CFAP299: variants seen among roughly 807,000 people sequenced by gnomAD.
CFAP299 encodes cilia- and flagella-associated protein 299.
Under a neutral mutation model 27.0 loss-of-function variants are expected in CFAP299, and 21 were observed. The observed-to-expected ratio is 0.78, with a 90% CI of 0.55 to 1.12. The LOEUF is 1.12. Among genes scored for constraint, CFAP299 ranks in the 50% most tolerant of loss-of-function variants. The pLI, the probability that CFAP299 is intolerant of heterozygous loss-of-function variation, is 0.00. For missense variants in CFAP299, 310 were observed against 276.6 expected (o/e 1.12, Z -0.86); for synonymous variants, 104 against 98.1 (o/e 1.06, Z -0.36).
intron 3 of CFAP299, among the ~76,000 whole-genome samples, chr4:80,762,598 A>G (rs1725597712): frequency 6.6e-6 from 1 of 152,172 alleles, no homozygotes; most frequent in Non-Finnish European, 1.5e-5. Context: ...CAATCTAAGC[A>G]GAGGAATTGA....
intron 3 of CFAP299, among the ~76,000 whole-genome samples, chr4:80,718,154 G>C (rs971812571): frequency 6.6e-6 from 1 of 152,020 alleles, no homozygotes; most frequent in East Asian, 1.9e-4. Context: ...AGGCTGTACA[G>C]AAATTTTGAG....
At chr4:80,399,503 A>G (rs958837834) in intron 2 of CFAP299, among the ~76,000 whole-genome samples, 4 of 152,154 alleles carry the variant, frequency 2.6e-5, no homozygotes, top group Non-Finnish European at 4.4e-5. Flanking sequence ...ATGGAATACT[A>G]TACGGCCATA....
chr4:80,589,572 T>G (rs146997615), intron 3 of CFAP299, among the ~76,000 whole-genome samples: 58 of 152,244 alleles, frequency 3.8e-4, no homozygotes, highest in Non-Finnish European at 5.9e-4. Flanking sequence ...GACAAAGCAT[T>G]TGTATCAATA....
chr4:80,556,370 A>G (rs1383117907), intron 2 of CFAP299, among the ~76,000 whole-genome samples: 1 of 152,108 alleles, frequency 6.6e-6, no homozygotes, highest in African/African-American at 2.4e-5. Flanking sequence ...CATGGTTGAC[A>G]AGGAAATTTG....
intron 3 of CFAP299, among the ~76,000 whole-genome samples, chr4:80,757,317 CA>C (rs1446750962): frequency 1.3e-5 from 2 of 151,858 alleles, no homozygotes; most frequent in African/African-American, 4.8e-5. Flanking sequence ...TCCTATTAAC[CA>C]AAAGATTGTT....
intron 3 of CFAP299, among the ~76,000 whole-genome samples, chr4:80,706,019 A>G (rs1368188319): frequency 1.3e-5 from 2 of 151,842 alleles, no homozygotes; most frequent in Non-Finnish European, 1.5e-5. Flanking sequence ...AATATTGATT[A>G]TGCAATAAAT....
chr4:80,547,139 G>C (rs1734275180), intron 2 of CFAP299, among the ~76,000 whole-genome samples: 1 of 151,986 alleles, frequency 6.6e-6, no homozygotes, highest in South Asian at 2.1e-4. Flanking sequence ...ATAGTACAAG[G>C]CTAACAACCA....
intron 1 of CFAP299, among the ~76,000 whole-genome samples, chr4:80,353,434 T>C (rs1415565134): frequency 6.6e-6 from 1 of 152,208 alleles, no homozygotes; most frequent in African/African-American, 2.4e-5. Context: ...CCAAAGTCTG[T>C]TGTGGGGAGA....
intron 2 of CFAP299, chr4:80,387,262 C>T (rs1725065869): frequency 1.9e-6 from 3 of 1,608,464 alleles, no homozygotes; most frequent in Admixed American, 1.7e-5. Flanking sequence ...GGTAGCTCAG[C>T]TCCTCCTGGT....
At chr4:80,423,353 G>A (rs1220753670) in intron 2 of CFAP299, among the ~76,000 whole-genome samples, 1 of 152,180 alleles carries the variant, frequency 6.6e-6, no homozygotes, top group Admixed American at 6.5e-5. Flanking sequence ...CTATTGGGGA[G>A]CCCCAAAATA....
At chr4:80,905,572 A>G (rs917720093) in intron 4 of CFAP299, among the ~76,000 whole-genome samples, 5 of 152,180 alleles carry the variant, frequency 3.3e-5, no homozygotes, top group African/African-American at 9.6e-5. Flanking sequence ...AGAACTGCCC[A>G]AGACAGGGTA....
intron 3 of CFAP299, among the ~76,000 whole-genome samples, chr4:80,868,910 T>TGC (rs1222731306): frequency 8.2e-6 from 1 of 122,210 alleles, no homozygotes; most frequent in East Asian, 2.7e-4. Flanking sequence ...TCTCTCTGTG[T>TGC]GTGTGTGTGT....
intron 2 of CFAP299, among the ~76,000 whole-genome samples, chr4:80,465,312 A>C (rs1209238888): frequency 6.6e-6 from 1 of 152,216 alleles, no homozygotes; most frequent in East Asian, 1.9e-4. Context: ...TCTAAACAGA[A>C]CTACAGACTA....
Position 80,412,376 on chromosome 4 carries a change from C to T in CFAP299, c.242+49492C>T, listed in dbSNP as rs188635400. On this transcript the variant is annotated intron_variant, in intron 2 of 5. Coordinates refer to ENST00000358105, the MANE Select transcript of CFAP299 (RefSeq NM_152770.3). ...CCTAAATGAATGTGTTTTCATGACA[C>T]GTTCTGGGATAAAAAGATAAGCAAG... 7.3e-5 allele frequency among the ~76,000 whole-genome samples: 11 copies of T among 151,608 alleles called. No homozygotes were observed. The East Asian group carries it at 1.9e-3, about 27-fold the overall frequency.
intron 3 of CFAP299, among the ~76,000 whole-genome samples, chr4:80,800,405 ATTG>A (rs374885406): frequency 5.5e-4 from 34 of 62,112 alleles, no homozygotes; most frequent in African/African-American, 1.2e-3. Context: ...TATAATATAT[ATTG>A]ATATATTAAT....
Position 80,944,825 on chromosome 4 carries a change from C to G in CFAP299, c.492C>G (p.Asp164Glu). ...ATTTTTATAGCTTTTACAACTGGGA[C>G]GCTGATATTGCTGTTAGTAATTCAA... The part of the protein sequence containing the change: ...RPTDISFYNW[D>E]ADIAVSNSSP... Residue 164 changes from aspartate to glutamate, a missense_variant, in exon 5 of 6, where the codon GAC (aspartate) becomes GAG (glutamate). Coordinates refer to ENST00000358105, the MANE Select transcript of CFAP299 (RefSeq NM_152770.3). The G allele has an allele frequency of 6.2e-7, 1 of 1,603,574 alleles. No individual in the cohort carries two copies. Among genetic ancestry groups the G allele is most frequent in the Non-Finnish European group, 8.5e-7 (1 of 1,173,092 alleles).
chr4:80,433,153 G>GA (rs1276155331), intron 2 of CFAP299, among the ~76,000 whole-genome samples: 1 of 150,710 alleles, frequency 6.6e-6, no homozygotes, highest in Non-Finnish European at 1.5e-5. Context: ...TCCTACCTAT[G>GA]AAAAACCACA....
At chr4:80,378,282 A>T (rs759730456) in intron 2 of CFAP299, among the ~76,000 whole-genome samples, 5 of 152,116 alleles carry the variant, frequency 3.3e-5, no homozygotes, top group African/African-American at 1.2e-4. Context: ...TTAACCTTTC[A>T]TCATGCAACT....
At chr4:80,811,234 T>C (rs1729138990) in intron 3 of CFAP299, among the ~76,000 whole-genome samples, 1 of 152,130 alleles carries the variant, frequency 6.6e-6, no homozygotes, top group African/African-American at 2.4e-5. Context: ...CCAAGAAGCA[T>C]ATGTACCCAA....
Sources: allele counts gnomAD v4.1 joint callset (sites outside exome capture counted in the v4.1 genomes callset), GRCh38; gene constraint gnomAD v4.1.1; transcripts MANE v1.5; gene names NCBI Gene and HGNC (gene_info 2026-07-23, HGNC 2026-07-21).